Variants in LOC400499 observed in about 807,000 individuals in gnomAD.
chr16:11,525,292 C>CAAA, the LOC400499 span, among the ~76,000 whole-genome samples: 1 of 125,026 alleles, frequency 8.0e-6, no homozygotes, highest in South Asian at 2.7e-4. Context: ...GACCTTGTCC[C>CAAA]AAAAAAAAAA....
chr16:11,433,547 C>T, the LOC400499 span, among the ~76,000 whole-genome samples: 1 of 152,156 alleles, frequency 6.6e-6, no homozygotes, highest in Non-Finnish European at 1.5e-5. Flanking sequence ...TCCCTTGGAA[C>T]TAGAGAGTCT....
chr16:11,519,220 C>T, the LOC400499 span, among the ~76,000 whole-genome samples: 99 of 152,266 alleles, frequency 6.5e-4, no homozygotes, highest in African/African-American at 2.1e-3. Context: ...CCCAAAAAGA[C>T]GCTGGAAGTT....
At chr16:11,511,036 C>T in the LOC400499 span, among the ~76,000 whole-genome samples, 1 of 150,384 alleles carries the variant, frequency 6.6e-6, no homozygotes, top group Admixed American at 6.6e-5. Context: ...CTCACTCTGT[C>T]GCCAGGCTGG....
the LOC400499 span, among the ~76,000 whole-genome samples, chr16:11,482,181 C>T: frequency 2.6e-5 from 4 of 152,256 alleles, no homozygotes; most frequent in African/African-American, 9.6e-5. Flanking sequence ...AGACGATGAA[C>T]CCCAAGAGAT....
the LOC400499 span, chr16:11,460,500 G>A: frequency 6.5e-7 from 1 of 1,532,382 alleles, no homozygotes; most frequent in Middle Eastern, 1.7e-4. Context: ...GCTAGGATCT[G>A]TGTGCAGTGG....
chr16:11,492,654 G>A, the LOC400499 span, among the ~76,000 whole-genome samples: 12 of 152,018 alleles, frequency 7.9e-5, no homozygotes, highest in East Asian at 1.4e-3. Context: ...GCGTGGTGGC[G>A]GGCACCTGTA....
chr16:11,433,957 T>A, the LOC400499 span, among the ~76,000 whole-genome samples: 1 of 152,164 alleles, frequency 6.6e-6, no homozygotes, highest in Non-Finnish European at 1.5e-5. Context: ...TGTGAGCCAT[T>A]TTCGCGAATG....
chr16:11,488,450 T>C, the LOC400499 span, among the ~76,000 whole-genome samples: 1 of 152,206 alleles, frequency 6.6e-6, no homozygotes, highest in South Asian at 2.1e-4. Flanking sequence ...AGACAGGGTT[T>C]ACTCTGTCAC....
chr16:11,446,321 A>T, the LOC400499 span, among the ~76,000 whole-genome samples: 1 of 108,068 alleles, frequency 9.3e-6, no homozygotes, highest in Non-Finnish European at 2.0e-5. Context: ...GGCTAATTAA[A>T]CAATTTTTTT....
the LOC400499 span, among the ~76,000 whole-genome samples, chr16:11,409,075 A>G: frequency 3.9e-5 from 6 of 152,080 alleles, no homozygotes; most frequent in African/African-American, 1.2e-4. Flanking sequence ...AGCCCGGCCA[A>G]CGTGGCGAAA....
At chr16:11,392,266 C>T in the LOC400499 span, 2 of 398,878 alleles carry the variant, frequency 5.0e-6, no homozygotes, top group Admixed American at 8.8e-5. Flanking sequence ...GGCCTCTGCC[C>T]AGTGGGAGAA....
At chr16:11,526,404 G>A in the LOC400499 span, among the ~76,000 whole-genome samples, 3 of 152,238 alleles carry the variant, frequency 2.0e-5, no homozygotes, top group East Asian at 5.8e-4. Context: ...ATTTTTTAAA[G>A]AAAGAAAACT....
the LOC400499 span, among the ~76,000 whole-genome samples, chr16:11,491,009 C>A: frequency 6.6e-6 from 1 of 152,212 alleles, no homozygotes; most frequent in Admixed American, 6.5e-5. Flanking sequence ...ACATATGGCA[C>A]TTACTATGCT....
At chr16:11,440,537 T>C in the LOC400499 span, among the ~76,000 whole-genome samples, 6 of 152,298 alleles carry the variant, frequency 3.9e-5, no homozygotes, top group Admixed American at 1.3e-4. Context: ...GAGCCAAACA[T>C]TGTTTACAAC....
At chr16:11,489,473 C>A in the LOC400499 span, among the ~76,000 whole-genome samples, 1 of 148,866 alleles carries the variant, frequency 6.7e-6, no homozygotes, top group African/African-American at 2.5e-5. Context: ...GGATAAAGAT[C>A]AAATAAGAGC....
chr16:11,476,189 G>T, the LOC400499 span, among the ~76,000 whole-genome samples: 29 of 151,790 alleles, frequency 1.9e-4, no homozygotes, highest in Non-Finnish European at 3.2e-4. Flanking sequence ...GGGAACAGGG[G>T]CAGATGCGAG....
chr16:11,479,673 GA>G, the LOC400499 span, among the ~76,000 whole-genome samples: 1 of 152,100 alleles, frequency 6.6e-6, no homozygotes, highest in Non-Finnish European at 1.5e-5. Context: ...AGACAGTACA[GA>G]GAGTTCCCAC....
the LOC400499 span, among the ~76,000 whole-genome samples, chr16:11,425,714 T>C: frequency 6.6e-6 from 1 of 152,122 alleles, no homozygotes; most frequent in Admixed American, 6.6e-5. Context: ...GTATACGTTT[T>C]CCAAAAAACT....
the LOC400499 span, among the ~76,000 whole-genome samples, chr16:11,506,784 GC>G: frequency 5.5e-4 from 83 of 152,284 alleles, 3 homozygotes; most frequent in South Asian, 0.017. Context: ...CTTGTCTCCT[GC>G]CCACCATCAA....
Sources: gnomAD v4.1 joint callset for allele counts (sites outside exome capture counted in the v4.1 genomes callset) on GRCh38, gnomAD v4.1.1 for gene constraint, MANE v1.5 for transcripts.